Variants in EEFSEC observed in about 807,000 individuals in gnomAD.
EEFSEC encodes the protein eukaryotic elongation factor, selenocysteine-tRNA specific, also known as selenocysteine-specific elongation factor.
EEFSEC carries 43 observed loss-of-function variants against 42.1 expected under a neutral mutation model. That is an observed-to-expected ratio of 1.02 (90% CI 0.80 to 1.32). EEFSEC has a LOEUF of 1.32. Among genes scored for constraint, EEFSEC ranks in the 40% most tolerant of loss-of-function variants. The pLI is 0.00. For missense variants in EEFSEC, 745 were observed against 803.6 expected, an observed-to-expected ratio of 0.93 and a Z score of 0.88; for synonymous variants, 354 against 339.1, an observed-to-expected ratio of 1.04 and a Z score of -0.48.
At chr3:128,314,804 T>C (rs1479148910) in intron 4 of EEFSEC, among the ~76,000 whole-genome samples, 1 of 152,202 alleles carries the variant, frequency 6.6e-6, no homozygotes, top group Non-Finnish European at 1.5e-5. Flanking sequence ...TTGCCAACTT[T>C]CCCAGAGGTG....
intron 1 of EEFSEC, among the ~76,000 whole-genome samples, chr3:128,237,767 T>G (rs1331463026): frequency 6.6e-6 from 1 of 152,226 alleles, no homozygotes; most frequent in Non-Finnish European, 1.5e-5. Flanking sequence ...TTCTTTGTTG[T>G]TCCTCCTGTT....
At chr3:128,397,203 A>G (rs2107631051) in intron 6 of EEFSEC, among the ~76,000 whole-genome samples, 1 of 152,318 alleles carries the variant, frequency 6.6e-6, no homozygotes, top group Admixed American at 6.5e-5. Flanking sequence ...CTCCTTCCAC[A>G]GGAGATGGCT....
At chr3:128,393,583 C>A (rs1278055790) in intron 6 of EEFSEC, among the ~76,000 whole-genome samples, 1 of 152,228 alleles carries the variant, frequency 6.6e-6, no homozygotes, top group African/African-American at 2.4e-5. Flanking sequence ...ACAGCCCCCA[C>A]CCAGCCACAA....
chr3:128,157,551 C>T (rs1944402876), intron 1 of EEFSEC, among the ~76,000 whole-genome samples: 1 of 152,184 alleles, frequency 6.6e-6, no homozygotes, highest in Non-Finnish European at 1.5e-5. Context: ...GCTCATTGAC[C>T]ATTCCAAAAA....
intron 1 of EEFSEC, among the ~76,000 whole-genome samples, chr3:128,203,024 C>T (rs2065658354): frequency 6.6e-6 from 1 of 152,070 alleles, no homozygotes; most frequent in Non-Finnish European, 1.5e-5. Context: ...TCAGCCTCAC[C>T]CAATATATTT....
chr3:128,215,475 T>C (rs1490284683), intron 1 of EEFSEC, among the ~76,000 whole-genome samples: 1 of 152,204 alleles, frequency 6.6e-6, no homozygotes, highest in African/African-American at 2.4e-5. Context: ...ATAGTGCACC[T>C]TGGACAGCGT....
At chr3:128,327,299 C>T (rs1036872407) in intron 4 of EEFSEC, among the ~76,000 whole-genome samples, 1 of 150,426 alleles carries the variant, frequency 6.6e-6, no homozygotes, top group Non-Finnish European at 1.5e-5. Flanking sequence ...CATCCCCCCC[C>T]CCCCAAGGTT....
chr3:128,365,801 AC>A (rs1388362133), intron 6 of EEFSEC, among the ~76,000 whole-genome samples: 1 of 152,186 alleles, frequency 6.6e-6, no homozygotes, highest in Non-Finnish European at 1.5e-5. Context: ...CAATTTATTG[AC>A]CCTGGAAAGC....
chr3:128,354,781 G>T (rs1044545556), intron 5 of EEFSEC, among the ~76,000 whole-genome samples: 3 of 152,184 alleles, frequency 2.0e-5, no homozygotes, highest in African/African-American at 4.8e-5. Context: ...GAAAGGAGGG[G>T]GCAGGGGAGA....
intron 2 of EEFSEC, among the ~76,000 whole-genome samples, chr3:128,258,373 G>A (rs2066264360): frequency 6.6e-6 from 1 of 152,214 alleles, no homozygotes; most frequent in African/African-American, 2.4e-5. Context: ...TGGGACCAGA[G>A]TGCTGAGCTC....
chr3:128,406,083 G>A (rs1430731471), intron 6 of EEFSEC, among the ~76,000 whole-genome samples: 2 of 152,210 alleles, frequency 1.3e-5, no homozygotes, highest in Non-Finnish European at 2.9e-5. Context: ...GAGGCTCACA[G>A]AGTGAGTGCT....
intron 4 of EEFSEC, among the ~76,000 whole-genome samples, chr3:128,279,353 C>A (rs2066501337): frequency 1.3e-5 from 2 of 152,256 alleles, no homozygotes; most frequent in South Asian, 4.1e-4. Flanking sequence ...TGTCTAGCAG[C>A]ATCCCTGGCC....
Position 128,221,373 on chromosome 3 carries a change from GA to G in EEFSEC, c.317-25457del, listed in dbSNP as rs777322250. Among the ~76,000 whole-genome samples the G allele has an allele frequency of 3.4e-4, 52 of 152,288 alleles. 1 individual carries two copies. The highest frequency in any genetic ancestry group is 1.5e-3 in the South Asian group (7 of 4,820). ...ATGTGAGGTTCACCTGGTAAATTAA[GA>G]AAAAAGACAAGAAGTTGCCTGTAAC... On this transcript the variant is annotated intron_variant, in intron 1 of 6. Transcript: ENST00000254730.
chr3:128,319,704 C>A (rs557068567), intron 4 of EEFSEC, among the ~76,000 whole-genome samples: 1 of 152,214 alleles, frequency 6.6e-6, no homozygotes, highest in East Asian at 1.9e-4. Flanking sequence ...ACTATTCTTA[C>A]GTCCAGGTCA....
chr3:128,194,807 A>G (rs1225604805), intron 1 of EEFSEC, among the ~76,000 whole-genome samples: 2 of 152,268 alleles, frequency 1.3e-5, no homozygotes, highest in African/African-American at 4.8e-5. Context: ...TGTGCAAGAA[A>G]AAGACTAGAA....
intron 2 of EEFSEC, among the ~76,000 whole-genome samples, chr3:128,258,335 G>A (rs1303089719): frequency 6.6e-6 from 1 of 152,198 alleles, no homozygotes; most frequent in Non-Finnish European, 1.5e-5. Flanking sequence ...AGCACCGTGG[G>A]AAGGACAGGG....
At chr3:128,157,756 A>G (rs1300692207) in intron 1 of EEFSEC, among the ~76,000 whole-genome samples, 4 of 152,242 alleles carry the variant, frequency 2.6e-5, no homozygotes, top group South Asian at 4.1e-4. Context: ...CTGGTCACCT[A>G]ATGGCTCTGA....
At position 128,160,020 on chromosome 3, in the gene EEFSEC, T is replaced by C. The variant is rs532493143; in HGVS notation, c.316+6197T>C. 4.6e-5 allele frequency among the ~76,000 whole-genome samples: 7 copies of C among 152,328 alleles called. No individual in the cohort carries two copies. The East Asian group carries it at 1.3e-3, about 29-fold the overall frequency. The stretch of plus-strand genomic sequence containing the variant: ...TCAGCACTTGGGCCAGAGCCTGGCA[T>C]AGGATAGATATTTAGTAAGTTCTGG... On this transcript the variant is annotated intron_variant, in intron 1 of 6. Coordinates refer to ENST00000254730, the MANE Select transcript of EEFSEC (RefSeq NM_021937.5).
intron 1 of EEFSEC, among the ~76,000 whole-genome samples, chr3:128,165,728 T>C (rs2065237221): frequency 6.6e-6 from 1 of 152,246 alleles, no homozygotes; most frequent in African/African-American, 2.4e-5. Flanking sequence ...TAAACCTGAC[T>C]TTTTTCTTTC....
Sources: allele counts gnomAD v4.1 joint callset (sites outside exome capture counted in the v4.1 genomes callset), GRCh38; gene constraint gnomAD v4.1.1; transcripts MANE v1.5; gene names NCBI Gene and HGNC (gene_info 2026-07-23, HGNC 2026-07-21).